The following RNF217 variants were observed in gnomAD, a reference collection of about 807,000 sequenced individuals.
RNF217 encodes E3 ubiquitin-protein ligase RNF217.
Under a neutral mutation model 57.8 loss-of-function variants are expected in RNF217, and 31 were observed. The ratio of observed to expected loss-of-function variants is 0.54; its 90% CI spans 0.40 to 0.72. RNF217 has a LOEUF of 0.72. Among genes scored for constraint, RNF217 ranks in the 30% least tolerant of loss-of-function variants. The pLI is 0.00. For synonymous variants in RNF217, 313 were observed against 294.0 expected (o/e 1.06, Z -0.66); for missense variants, 696 against 708.3 (o/e 0.98, Z 0.20).
intron 1 of RNF217, among the ~76,000 whole-genome samples, chr6:125,042,188 T>C (rs575078416): frequency 3.6e-4 from 55 of 152,198 alleles, no homozygotes; most frequent in African/African-American, 1.3e-3. Context: ...AAAGAGGATA[T>C]TGTTAGTATG....
chr6:125,057,817 C>CTATAA, intron 2 of RNF217, 125 bp from the exon 3 acceptor site: 1 of 716,494 alleles, frequency 1.4e-6, no homozygotes, highest in South Asian at 2.5e-5. Context: ...TAGTTTGAGT[C>CTATAA]TTATAGAGGG....
chr6:124,991,977 T>G (rs1441177049), intron 1 of RNF217, among the ~76,000 whole-genome samples: 2 of 152,150 alleles, frequency 1.3e-5, no homozygotes, highest in Non-Finnish European at 2.9e-5. Flanking sequence ...AGTCCATGAC[T>G]GATATTGAAC....
At chr6:124,964,362 G>T (rs538984800) in intron 1 of RNF217, among the ~76,000 whole-genome samples, 26 of 152,224 alleles carry the variant, frequency 1.7e-4, no homozygotes, top group African/African-American at 5.8e-4. Flanking sequence ...TACTTTCACA[G>T]TATCTTATAT....
intron 1 of RNF217, among the ~76,000 whole-genome samples, chr6:124,980,565 T>C (rs1357370291): frequency 4.6e-5 from 7 of 152,232 alleles, no homozygotes; most frequent in African/African-American, 1.4e-4. Context: ...CTAATTCTTT[T>C]TTTATATAAC....
At chr6:125,055,793 G>T (rs925372624) in intron 2 of RNF217, among the ~76,000 whole-genome samples, 8 of 152,010 alleles carry the variant, frequency 5.3e-5, no homozygotes, top group African/African-American at 1.4e-4. Context: ...GGAAAGGAAG[G>T]CTCCATGTGA....
intron 1 of RNF217, among the ~76,000 whole-genome samples, chr6:125,024,155 G>T (rs1785970007): frequency 6.6e-6 from 1 of 152,182 alleles, no homozygotes; most frequent in Non-Finnish European, 1.5e-5. Flanking sequence ...AAGTAGCATT[G>T]GAGATCAAAA....
At chr6:124,975,781 T>G (rs536309322) in intron 1 of RNF217, among the ~76,000 whole-genome samples, 1 of 152,176 alleles carries the variant, frequency 6.6e-6, no homozygotes, top group African/African-American at 2.4e-5. Flanking sequence ...AAAAGTGACT[T>G]TGATTCTCTT....
intron 2 of RNF217, among the ~76,000 whole-genome samples, chr6:125,049,161 G>T (rs540788513): frequency 4.0e-4 from 61 of 152,068 alleles, no homozygotes; most frequent in Non-Finnish European, 6.5e-4. Flanking sequence ...TCAATATAGA[G>T]AACAAGTTAA....
chr6:125,069,311 T>C (rs1389979587), intron 3 of RNF217, among the ~76,000 whole-genome samples: 1 of 152,182 alleles, frequency 6.6e-6, no homozygotes, highest in Non-Finnish European at 1.5e-5. Context: ...TCTACTGTGA[T>C]AGAAGCAGCT....
At chr6:125,017,207 C>T (rs11154284) in intron 1 of RNF217, among the ~76,000 whole-genome samples, 94,448 of 152,044 alleles carry the variant, frequency 0.62, 30,064 homozygotes, top group Non-Finnish European at 0.7. Context: ...ATATGAATTT[C>T]CTTAGAATTT....
In RNF217 at chr6:125,087,069, A is replaced by G. The variant is rs1324053552; in HGVS notation, c.*4132A>G. ...ACTGAAGGAGAAGAGGAGAGACAGGAGGGGCCTAAAAACTCACTCTGGTAT... is the reference window on the plus strand; with the variant it reads ...ACTGAAGGAGAAGAGGAGAGACAGGGGGGGCCTAAAAACTCACTCTGGTAT... On this transcript the variant is annotated 3_prime_UTR_variant, in exon 6 of 6. Coordinates refer to ENST00000521654, the MANE Select transcript of RNF217 (RefSeq NM_001286398.3). 2 of 152,078 alleles carry G rather than the reference A, an allele frequency of 1.3e-5. No individual in the cohort carries two copies. The highest frequency in any genetic ancestry group is 2.9e-5 in the Non-Finnish European group (2 of 68,002). The allele number at this position is 152,078 out of a possible 1,614,324, so 9.4% of individuals were successfully genotyped here. A position where few individuals can be genotyped will look rare whatever the true frequency, so the allele number is the denominator to read the frequency against.
At chr6:125,040,314 T>C (rs1308184909) in intron 1 of RNF217, among the ~76,000 whole-genome samples, 2 of 152,022 alleles carry the variant, frequency 1.3e-5, no homozygotes, top group Non-Finnish European at 2.9e-5. Context: ...CTATAACACC[T>C]CTACACAAAT....
chr6:125,008,159 G>A (rs537624401), intron 1 of RNF217, among the ~76,000 whole-genome samples: 120 of 152,152 alleles, frequency 7.9e-4, no homozygotes, highest in Non-Finnish European at 9.4e-4. Flanking sequence ...GGGAGGCTGA[G>A]GCAGGAGAAT....
At position 124,963,201 on chromosome 6, in the gene RNF217, C is replaced by T. The variant is rs1189541189; in HGVS notation, c.657C>T (p.Asp219=). Residue 219 remains aspartate (D), a synonymous_variant, in exon 1 of 6, where the codon GAC becomes GAT. Coordinates refer to ENST00000521654, the MANE Select transcript of RNF217 (RefSeq NM_001286398.3). ...LSLPTDSLSP[D]GGSIELEFYL... is the part of the protein sequence containing the mutation. Reference sequence around the variant, plus strand: ...TCCCAACGGATTCCCTCTCCCCCGACGGCGGCAGCATCGAGCTGGAGTTCT... The same window carrying T: ...TCCCAACGGATTCCCTCTCCCCCGATGGCGGCAGCATCGAGCTGGAGTTCT... The T allele has an allele frequency of 1.3e-6, 2 of 1,535,978 alleles. No individual in the cohort carries two copies. The highest frequency in any genetic ancestry group is 3.9e-5 in the Admixed American group (2 of 50,976).
At chr6:125,039,210 A>G (rs188133493) in intron 1 of RNF217, among the ~76,000 whole-genome samples, 17 of 152,148 alleles carry the variant, frequency 1.1e-4, no homozygotes, top group African/African-American at 3.4e-4. Context: ...ATAGTATTCC[A>G]TGGTGCATAT....
intron 1 of RNF217, among the ~76,000 whole-genome samples, chr6:124,974,413 A>G (rs982436030): frequency 6.6e-5 from 10 of 152,176 alleles, no homozygotes; most frequent in Non-Finnish European, 1.5e-5. Context: ...TTATCTTTAA[A>G]TAATTTAATA....
At chr6:125,018,151 T>G (rs1388385497) in intron 1 of RNF217, among the ~76,000 whole-genome samples, 1 of 152,204 alleles carries the variant, frequency 6.6e-6, no homozygotes, top group Non-Finnish European at 1.5e-5. Flanking sequence ...ACTTTCAAAT[T>G]AGCATTAATT....
chr6:125,032,813 G>T (rs1786417806), intron 1 of RNF217, among the ~76,000 whole-genome samples: 1 of 152,138 alleles, frequency 6.6e-6, no homozygotes, highest in Admixed American at 6.5e-5. Flanking sequence ...AAGGAGGGAA[G>T]AAAAGTTTAA....
chr6:124,979,302 T>C (rs1784074998), intron 1 of RNF217, among the ~76,000 whole-genome samples: 1 of 152,188 alleles, frequency 6.6e-6, no homozygotes, highest in Non-Finnish European at 1.5e-5. Flanking sequence ...GGCTATTGTC[T>C]GAAAAATGGT....
Sources: allele counts gnomAD v4.1 joint callset (sites outside exome capture counted in the v4.1 genomes callset), GRCh38; gene constraint gnomAD v4.1.1; transcripts MANE v1.5; gene names NCBI Gene and HGNC (gene_info 2026-07-23, HGNC 2026-07-21).